RAB28: variants seen among roughly 807,000 people sequenced by gnomAD.
RAB28 encodes ras-related protein Rab-28.
In RAB28, 24 loss-of-function variants were observed where a neutral mutation model predicts 31.7. The ratio of observed to expected loss-of-function variants is 0.76; its 90% CI spans 0.55 to 1.06. RAB28 has a LOEUF of 1.06. RAB28 is among the 50% of genes least tolerant of loss of function. RAB28 has a pLI of 0.00. For missense variants in RAB28, 254 were observed against 258.5 expected (o/e 0.98, Z 0.12); for synonymous variants, 100 against 90.4 (o/e 1.11, Z -0.60).
intron 4 of RAB28, among the ~76,000 whole-genome samples, chr4:13,412,750 A>G (rs1577187810): frequency 6.6e-6 from 1 of 152,172 alleles, no homozygotes; most frequent in Non-Finnish European, 1.5e-5. Context: ...GGAGCAAATG[A>G]AAGTTGTGAC....
intron 4 of RAB28, among the ~76,000 whole-genome samples, chr4:13,448,650 T>C (rs1714817386): frequency 6.6e-6 from 1 of 152,058 alleles, no homozygotes; most frequent in South Asian, 2.1e-4. Flanking sequence ...CCCCAACAGT[T>C]GTCAGTAACA....
chr4:13,460,366 G>A (rs756871827), intron 4 of RAB28, among the ~76,000 whole-genome samples: 1 of 152,098 alleles, frequency 6.6e-6, no homozygotes, highest in Admixed American at 6.5e-5. Context: ...CTCTTATGAA[G>A]GCATTAATCC....
At position 13,367,968 on chromosome 4, in the gene RAB28, T is replaced by C. The variant is rs747327469; in HGVS notation, c.*590A>G. 5 of 972,072 alleles carry C rather than the reference T, an allele frequency of 5.1e-6. No individual in the cohort carries two copies. Among genetic ancestry groups the C allele is most frequent in the Non-Finnish European group, 6.1e-6 (5 of 818,004 alleles). 60.2% of individuals were successfully genotyped at this position (972,072 alleles called of 1,614,324 possible). On this transcript the variant is annotated 3_prime_UTR_variant, in exon 7 of 7. Coordinates refer to ENST00000330852, the MANE Select transcript of RAB28 (RefSeq NM_001017979.3). The stretch of plus-strand genomic sequence containing the variant: ...AAATATTACTTTGTGAGTTACAAAC[T>C]ACAATATAAACAATTTAGGCCCTTT...
chr4:13,407,974 G>A (rs1007211192), intron 4 of RAB28, among the ~76,000 whole-genome samples: 4 of 151,926 alleles, frequency 2.6e-5, no homozygotes, highest in African/African-American at 9.7e-5. Context: ...GAGACAATTC[G>A]ACTTCTCTTC....
chr4:13,401,065 C>T (rs73819827), intron 4 of RAB28, among the ~76,000 whole-genome samples: 9,222 of 152,126 alleles, frequency 0.061, 653 homozygotes, highest in African/African-American at 0.17. Flanking sequence ...ATTATTATAT[C>T]GGTGTCATAA....
At position 13,401,531 on chromosome 4, in the gene RAB28, TA is replaced by T. The variant is rs1176979031; in HGVS notation, c.392-19938del. 2.6e-5 allele frequency among the ~76,000 whole-genome samples: 4 copies of T among 152,202 alleles called. No homozygotes were observed. The East Asian group carries it at 5.8e-4, about 22-fold the overall frequency. The stretch of plus-strand genomic sequence containing the variant: ...CCCAGAACTTAAAGTAAAATAATTT[TA>T]AAAAAAATTGTTAAGGAATTTGTTC... On this transcript the variant is annotated intron_variant, in intron 4 of 6. Transcript: ENST00000330852.
intron 4 of RAB28, among the ~76,000 whole-genome samples, chr4:13,429,697 AT>A (rs1713703285): frequency 6.6e-6 from 1 of 152,220 alleles, no homozygotes; most frequent in Non-Finnish European, 1.5e-5. Context: ...AAAGATGGCA[AT>A]ATTCCCCAAC....
At chr4:13,433,804 G>A (rs1713948854) in intron 4 of RAB28, among the ~76,000 whole-genome samples, 1 of 152,004 alleles carries the variant, frequency 6.6e-6, no homozygotes, top group African/African-American at 2.4e-5. Flanking sequence ...ATCCCATTAT[G>A]AAGGTATATA....
At chr4:13,375,535 TC>T (rs1287823424) in intron 6 of RAB28, among the ~76,000 whole-genome samples, 1 of 152,146 alleles carries the variant, frequency 6.6e-6, no homozygotes, top group Non-Finnish European at 1.5e-5. Context: ...GACTTCTCTT[TC>T]CTATATTCTC....
intron 6 of RAB28, chr4:13,369,985 T>C (rs1362094838): frequency 6.3e-7 from 1 of 1,575,150 alleles, no homozygotes; most frequent in African/African-American, 1.4e-5. Flanking sequence ...CCATACAACA[T>C]AAATGAGACA....
intron 4 of RAB28, among the ~76,000 whole-genome samples, chr4:13,448,540 AG>A (rs1358514102): frequency 3.3e-5 from 5 of 152,118 alleles, no homozygotes; most frequent in African/African-American, 1.2e-4. Flanking sequence ...TATCCAAAAA[AG>A]TAACTATGAA....
intron 4 of RAB28, among the ~76,000 whole-genome samples, chr4:13,420,494 C>T (rs934333420): frequency 6.6e-5 from 10 of 152,122 alleles, no homozygotes; most frequent in Admixed American, 2.6e-4. Flanking sequence ...TGAACATCCA[C>T]GTGAAAATCC....
intron 3 of RAB28, 148 bp downstream of exon 3, chr4:13,474,170 A>T: frequency 1.3e-6 from 1 of 762,402 alleles, no homozygotes; most frequent in Non-Finnish European, 2.4e-6. Flanking sequence ...GAAACCAAAG[A>T]ACTAGCACAA....
At chr4:13,458,624 C>T (rs1313531545) in intron 4 of RAB28, among the ~76,000 whole-genome samples, 1 of 152,112 alleles carries the variant, frequency 6.6e-6, no homozygotes, top group African/African-American at 2.4e-5. Flanking sequence ...TCATGTGTTG[C>T]ATAACAATGT....
rs1031817038 is a variant in RAB28 at position 13,431,552 on chromosome 4, G to A, written c.391+29147C>T. ...CCAGAAGAGCTTAGTGTTAGTCCAC[G>A]AGATAAGATTCTGGAGACCTCCACA... is the stretch of plus-strand genomic sequence containing the variant. On this transcript the variant is annotated intron_variant, in intron 4 of 6. Transcript: ENST00000330852. Among the ~76,000 whole-genome samples the A allele has an allele frequency of 5.9e-5, 9 of 152,092 alleles. No individual in the cohort carries two copies. The East Asian group carries it at 1.2e-3, about 20-fold the overall frequency.
chr4:13,384,328 CA>C (rs1387394469), intron 4 of RAB28, among the ~76,000 whole-genome samples: 1 of 152,194 alleles, frequency 6.6e-6, no homozygotes, highest in African/African-American at 2.4e-5. Flanking sequence ...GGGAGGCAGG[CA>C]CCTGCTAGCA....
At chr4:13,455,003 A>G (rs1260062627) in intron 4 of RAB28, among the ~76,000 whole-genome samples, 3 of 152,136 alleles carry the variant, frequency 2.0e-5, no homozygotes, top group African/African-American at 7.2e-5. Flanking sequence ...GACCCAGAAT[A>G]TTGATGGCTA....
At chr4:13,376,276 CATT>C (rs1380641361) in intron 6 of RAB28, among the ~76,000 whole-genome samples, 2 of 152,216 alleles carry the variant, frequency 1.3e-5, no homozygotes, top group African/African-American at 2.4e-5. Flanking sequence ...CACCTTAACT[CATT>C]AGTTAACCAC....
chr4:13,395,887 A>G (rs185933536), intron 4 of RAB28, among the ~76,000 whole-genome samples: 1 of 152,052 alleles, frequency 6.6e-6, no homozygotes, highest in African/African-American at 2.4e-5. Flanking sequence ...TTATTTTCCA[A>G]CATGCTGTAA....
Sources: allele counts gnomAD v4.1 joint callset (sites outside exome capture counted in the v4.1 genomes callset), GRCh38; gene constraint gnomAD v4.1.1; transcripts MANE v1.5; gene names NCBI Gene and HGNC (gene_info 2026-07-23, HGNC 2026-07-21).